The following KATNIP variants were observed in gnomAD, a reference collection of about 807,000 sequenced individuals.
KATNIP encodes the protein katanin-interacting protein.
A neutral mutation model predicts 174.0 loss-of-function variants in KATNIP; 126 were observed. The observed-to-expected ratio is 0.72, with a 90% confidence interval of 0.63 to 0.84. The LOEUF is 0.84. Among genes scored for constraint, KATNIP ranks in the 40% least tolerant of loss-of-function variants. The pLI, the probability that KATNIP is intolerant of heterozygous loss-of-function variation, is 0.00. For missense variants in KATNIP, 1,958 were observed against 2,109.7 expected, an observed-to-expected ratio of 0.93 and a Z score of 1.41; for synonymous variants, 810 against 835.7, an observed-to-expected ratio of 0.97 and a Z score of 0.53.
intron 14 of KATNIP, among the ~76,000 whole-genome samples, chr16:27,738,601 G>T (rs1435362383): frequency 1.3e-5 from 2 of 152,132 alleles, no homozygotes; most frequent in Non-Finnish European, 2.9e-5. Flanking sequence ...AGCGAGGTGG[G>T]GACCATTTGT....
intron 17 of KATNIP, 35 bp from the exon 18 acceptor site, chr16:27,754,138 C>G (rs755064177): frequency 6.3e-7 from 1 of 1,581,780 alleles, no homozygotes; most frequent in Non-Finnish European, 8.7e-7. Context: ...ACTAAAACCA[C>G]CCCCTTTTCC....
At chr16:27,702,906 C>T (rs1021314301) in intron 11 of KATNIP, among the ~76,000 whole-genome samples, 2 of 152,194 alleles carry the variant, frequency 1.3e-5, no homozygotes, top group African/African-American at 4.8e-5. Flanking sequence ...GTGGCTCATG[C>T]CTGTAATCCC....
At chr16:27,765,811 C>T (rs2082100686) in intron 19 of KATNIP, among the ~76,000 whole-genome samples, 1 of 152,176 alleles carries the variant, frequency 6.6e-6, no homozygotes, top group Non-Finnish European at 1.5e-5. Context: ...CTGCAGTGTC[C>T]TCATGATGGC....
chr16:27,649,296 G>A (rs972829754), intron 6 of KATNIP, among the ~76,000 whole-genome samples: 1 of 152,166 alleles, frequency 6.6e-6, no homozygotes, highest in Non-Finnish European at 1.5e-5. Context: ...CAGCTTACAG[G>A]GTTGACAACA....
rs147885056 is a variant in KATNIP at position 27,613,288 on chromosome 16, A to T, written c.64-5137A>T. Among the ~76,000 whole-genome samples the T allele has an allele frequency of 3.3e-5, 5 of 152,280 alleles. No individual in the cohort carries two copies. The East Asian group carries it at 9.7e-4, about 29-fold the overall frequency. ...GACCCTGTTTCAAAAAGAAAAAAAG[A>T]ATCTGCATTTCACCACGATCCCTAG... On this transcript the variant is annotated intron_variant, in intron 2 of 27. Transcript: ENST00000261588.
In KATNIP at chr16:27,777,769, A is replaced by G. The variant is rs138866758; in HGVS notation, c.4711A>G (p.Ser1571Gly). The G allele has an allele frequency of 4.6e-5, 74 of 1,613,356 alleles. No homozygotes were observed. The Middle Eastern group carries it at 9.9e-4, about 22-fold the overall frequency. ...IRHQEKHTTI[S>G]NQAEDQDVQM... ...CCACCAGGAGAAACACACCACCATCAGGTAGGGCCCCAGCCGGCCCCATGG... is the reference window on the plus strand; with the variant it reads ...CCACCAGGAGAAACACACCACCATCGGGTAGGGCCCCAGCCGGCCCCATGG... The change falls in exon 26 of 28, where the codon AGT becomes GGT. Residue 1571 changes from serine (S) to glycine (G), a missense_variant and splice_region_variant. Physicochemically the swap from Ser to Gly is moderately conservative, Grantham distance 56 (BLOSUM62 0). Around this residue, in one of 3 missense-constraint regions of KATNIP, gnomAD observed 383 missense variants for 456.0 expected, o/e 0.84. Transcript: ENST00000261588. This position sits in a 1 kb window ranked among gnomAD's most constrained non-coding sequence, Gnocchi z 4.4.
At chr16:27,705,102 G>T (rs1426507707) in intron 12 of KATNIP, among the ~76,000 whole-genome samples, 1 of 151,872 alleles carries the variant, frequency 6.6e-6, no homozygotes, top group East Asian at 1.9e-4. Context: ...GTAGAGATGG[G>T]TTTTTGCCAT....
intron 20 of KATNIP, among the ~76,000 whole-genome samples, chr16:27,767,053 G>A (rs2082149992): frequency 6.6e-6 from 1 of 152,154 alleles, no homozygotes; most frequent in African/African-American, 2.4e-5. Flanking sequence ...TGGGAATGAA[G>A]AAGAGAGCCT....
At chr16:27,759,481 T>C (rs1446754172) in intron 18 of KATNIP, among the ~76,000 whole-genome samples, 1 of 152,230 alleles carries the variant, frequency 6.6e-6, no homozygotes, top group Non-Finnish European at 1.5e-5. Context: ...TACCATGAAT[T>C]ATATTCATGA....
intron 3 of KATNIP, 104 bp from the exon 4 acceptor site, chr16:27,628,557 T>A: frequency 8.0e-7 from 1 of 1,256,744 alleles, no homozygotes. Context: ...GGGCTCTGAT[T>A]AGAGACGCTT....
Position 27,648,593 on chromosome 16 carries a change from T to C in KATNIP, c.409-11T>C, listed in dbSNP as rs377348450. On this transcript the variant is annotated splice_polypyrimidine_tract_variant and intron_variant, in intron 5 of 27. Coordinates refer to ENST00000261588, the MANE Select transcript of KATNIP (RefSeq NM_015202.5). ...TCCACCTTATCTGAAATGGCCTGCA[T>C]TTTTGTACAGAAATCTGTGCAGATC... The C allele has an allele frequency of 2.7e-5, 43 of 1,613,966 alleles. No individual in the cohort carries two copies. The highest frequency in any genetic ancestry group is 3.4e-5 in the Non-Finnish European group (40 of 1,179,978).
At chr16:27,599,656 T>G (rs568475192) in intron 2 of KATNIP, among the ~76,000 whole-genome samples, 1 of 152,304 alleles carries the variant, frequency 6.6e-6, no homozygotes, top group East Asian at 1.9e-4. Context: ...TCCTCTCATC[T>G]AAGCACCTGC....
intron 2 of KATNIP, among the ~76,000 whole-genome samples, chr16:27,597,235 C>A (rs761603648): frequency 2.6e-5 from 4 of 151,906 alleles, no homozygotes; most frequent in African/African-American, 4.8e-5. Flanking sequence ...CTAGATAAGG[C>A]TAAAATCCAT....
At chr16:27,670,268 T>C (rs1408817811) in intron 6 of KATNIP, among the ~76,000 whole-genome samples, 1 of 152,260 alleles carries the variant, frequency 6.6e-6, no homozygotes, top group East Asian at 1.9e-4. Context: ...CTGATTTTTG[T>C]TAGCTAAGCT....
rs919251948 is a variant in KATNIP, at chr16:27,648,592, A to G, written c.409-12A>G. 2.4e-5 allele frequency: 38 copies of G among 1,613,880 alleles called. No homozygotes were observed. The highest frequency in any genetic ancestry group is 3.1e-5 in the Non-Finnish European group (37 of 1,179,968). ...TTCCACCTTATCTGAAATGGCCTGC[A>G]TTTTTGTACAGAAATCTGTGCAGAT... On this transcript the variant is annotated splice_polypyrimidine_tract_variant and intron_variant, in intron 5 of 27. Coordinates refer to ENST00000261588, the MANE Select transcript of KATNIP (RefSeq NM_015202.5).
intron 18 of KATNIP, 160 bp downstream of exon 18, chr16:27,754,411 G>C: frequency 1.6e-6 from 1 of 631,934 alleles, no homozygotes; most frequent in South Asian, 1.9e-5. Context: ...AAACCAGCCT[G>C]CGCTCAGCTC....
At chr16:27,710,359 C>CAAAT (rs552462330) in intron 13 of KATNIP, among the ~76,000 whole-genome samples, 160 of 152,198 alleles carry the variant, frequency 1.1e-3, no homozygotes, top group African/African-American at 3.6e-3. Flanking sequence ...TCCGTCTCAA[C>CAAAT]AAATAAACAA....
At chr16:27,690,363 T>TAGATAGATAGATAGGTGATA (rs397837255) in intron 8 of KATNIP, among the ~76,000 whole-genome samples, 1 of 90,986 alleles carries the variant, frequency 1.1e-5, no homozygotes, top group Non-Finnish European at 2.3e-5. Context: ...GATAGATAGA[T>TAGATAGATAGATAGGTGATA]GATAGATAGA....
intron 3 of KATNIP, among the ~76,000 whole-genome samples, chr16:27,621,485 A>G (rs569800669): frequency 1.5e-4 from 23 of 152,280 alleles, no homozygotes; most frequent in African/African-American, 5.5e-4. Context: ...ACCTAGAAGC[A>G]TTAGGTATCT....
Sources: gnomAD v4.1 joint callset for allele counts (sites outside exome capture counted in the v4.1 genomes callset) on GRCh38, gnomAD v4.1.1 for gene constraint, gnomAD v4.1.1 regional missense constraint, Gnocchi (gnomAD v3.1) non-coding constraint, MANE v1.5 for transcripts, NCBI Gene and HGNC (gene_info 2026-07-23, HGNC 2026-07-21) for gene names.